Variants in CNFN observed in about 807,000 individuals in gnomAD.
CNFN encodes the protein cornifelin.
In CNFN, 10 loss-of-function variants were observed where a neutral mutation model predicts 14.9. The observed-to-expected ratio is 0.67, with a 90% CI of 0.41 to 1.14. The LOEUF is 1.14. Among genes scored for constraint, CNFN ranks in the 50% most tolerant of loss-of-function variants. CNFN has a pLI of 0.00. For synonymous variants in CNFN, 66 were observed against 60.0 expected, an observed-to-expected ratio of 1.10 and a Z score of -0.46; for missense variants, 165 against 152.8, an observed-to-expected ratio of 1.08 and a Z score of -0.42.
chr19:42,389,383 T>TG lies in CNFN; in HGVS notation c.-2-345dup. On this transcript the variant is annotated intron_variant, in intron 1 of 3. Transcript: ENST00000222032. The stretch of plus-strand genomic sequence containing the variant: ...TGGGTTGCAGCATTTCTGGGGCCTC[T>TG]GGGGTGGAAGCAGGCGCCGTCTGTC... The TG allele has an allele frequency of 3.0e-6, 3 of 1,000,126 alleles. No homozygotes were observed. The Middle Eastern group carries it at 1.1e-3, about 354-fold the overall frequency. The allele number at this position is 1,000,126 out of a possible 1,614,324, so 62.0% of individuals were successfully genotyped here.
chr19:42,387,038 T>C lies in CNFN; in HGVS notation c.*115A>G. On this transcript the variant is annotated 3_prime_UTR_variant, in exon 4 of 4. Transcript: ENST00000222032. ...GCGGAGTTGGTTTTCAGGTTTTTATTGTGGGTGTATTTCTGGCAGCGGGAC... is the reference window on the plus strand; with the variant it reads ...GCGGAGTTGGTTTTCAGGTTTTTATCGTGGGTGTATTTCTGGCAGCGGGAC... 4 of 1,019,752 alleles carry C rather than the reference T, an allele frequency of 3.9e-6. No individual in the cohort carries two copies. The East Asian group carries it at 7.3e-5, about 19-fold the overall frequency. The allele number at this position is 1,019,752 out of a possible 1,614,324, so 63.2% of individuals were successfully genotyped here.
At chr19:42,389,369 A>T in intron 1 of CNFN, 1 of 897,464 alleles carries the variant, frequency 1.1e-6, no homozygotes. Flanking sequence ...GGGTTGCAGC[A>T]TTTCTGGGGC....
At position 42,387,406 on chromosome 19, in the gene CNFN, G is replaced by A. The variant is rs981033991; in HGVS notation, c.183C>T (p.Cys61=). 4 of 1,601,658 alleles carry A rather than the reference G, an allele frequency of 2.5e-6. No individual in the cohort carries two copies. Among genetic ancestry groups the A allele is most frequent in the Admixed American group, 1.7e-5 (1 of 58,638 alleles). The stretch of plus-strand genomic sequence containing the variant: ...GCAGGCCTCCGGGCAGGTAGGGCGC[G>A]CAGCAGCACTCGCCAAAGTCGTCGG... ...RISDDFGECC[C]APYLPGGLHS... is the part of the protein sequence containing the mutation. Residue 61 remains cysteine (C), a synonymous_variant, in exon 3 of 4, where the codon TGC becomes TGT. Coordinates refer to ENST00000222032, the MANE Select transcript of CNFN (RefSeq NM_032488.4).
chr19:42,389,883 C>T (rs894162180), intron 1 of CNFN, among the ~76,000 whole-genome samples: 2 of 152,146 alleles, frequency 1.3e-5, no homozygotes, highest in Admixed American at 6.5e-5. Flanking sequence ...GCCAGGTGCC[C>T]GTAGAGATGT....
At chr19:42,389,602 C>G in intron 1 of CNFN, 1 of 1,083,488 alleles carries the variant, frequency 9.2e-7, no homozygotes, top group Non-Finnish European at 1.2e-6. Flanking sequence ...GTCCAAGGGA[C>G]GCTGGATACT....
At position 42,387,496 on chromosome 19, in the gene CNFN, T is replaced by C. The variant is rs2039861835; in HGVS notation, c.113-20A>G. ...ACAGACCTGGGCGGGGCGCAGGCGCTCAGGGGCGGGGCCAGCCGGGGCCTC... is the reference window on the plus strand; with the variant it reads ...ACAGACCTGGGCGGGGCGCAGGCGCCCAGGGGCGGGGCCAGCCGGGGCCTC... On this transcript the variant is annotated intron_variant, in intron 2 of 3. Transcript: ENST00000222032. 1.3e-6 allele frequency: 2 copies of C among 1,540,098 alleles called. No individual in the cohort carries two copies. The highest frequency in any genetic ancestry group is 2.0e-5 in the Admixed American group (1 of 50,428).
Position 42,388,936 on chromosome 19 carries a change from G to A in CNFN, c.102C>T (p.Asp34=), listed in dbSNP as rs890687357. 4 of 1,612,572 alleles carry A rather than the reference G, an allele frequency of 2.5e-6. No individual in the cohort carries two copies. The highest frequency in any genetic ancestry group is 1.3e-5 in the African/African-American group (1 of 75,036). ...CAGGCAGGCACTCACAGACAGGCAT[G>A]TCGTTGCAGCAGTCCGTGAGACCTG... The part of the protein sequence containing the change: ...WHTGLTDCCN[D]MPVCLCGTFA... Residue 34 remains aspartate (D), a synonymous_variant, in exon 2 of 4, where the codon GAC becomes GAT. Coordinates refer to ENST00000222032, the MANE Select transcript of CNFN (RefSeq NM_032488.4).
In CNFN at chr19:42,387,157, T is replaced by C. The variant is rs1245380672; in HGVS notation, c.335A>G (p.Glu112Gly). Residue 112 changes from glutamate to glycine, a missense_variant, in exon 4 of 4, where the codon GAG becomes GGG. By Grantham distance (98) the Glu-to-Gly change is moderately conservative (BLOSUM62 -2). Coordinates refer to ENST00000222032, the MANE Select transcript of CNFN (RefSeq NM_032488.4). ...CQMARELKIR[E>G] is the part of the protein sequence containing the mutation. ...CGGGGAAGACAGGGAACTTCCTTAC[T>C]CTCGGATCTTCAGTTCCCGCGCCAT... is the stretch of plus-strand genomic sequence containing the variant. 1.9e-6 allele frequency: 3 copies of C among 1,614,028 alleles called. No homozygotes were observed. The highest frequency in any genetic ancestry group is 3.3e-5 in the Admixed American group (2 of 60,006).
chr19:42,389,473 C>T (rs1412434285), intron 1 of CNFN: 20 of 1,291,444 alleles, frequency 1.5e-5, no homozygotes, highest in Non-Finnish European at 1.8e-5. Context: ...GTTGCTGGTC[C>T]ACCCAGCGGT....
At chr19:42,389,631 GACT>G in intron 1 of CNFN, 1 of 606,546 alleles carries the variant, frequency 1.6e-6, no homozygotes, top group East Asian at 7.8e-5. Flanking sequence ...GGGGGCAAGG[GACT>G]GGGGCACTGG....
Position 42,387,063 on chromosome 19 carries a change from CAG to C in CNFN, c.*88_*89del, listed in dbSNP as rs1407241104. ...TGTGGGTGTATTTCTGGCAGCGGGA[CAG>C]GGGTGGTGAGGCAGTCCCTCCCAGG... On this transcript the variant is annotated 3_prime_UTR_variant, in exon 4 of 4. Transcript: ENST00000222032. 8.7e-6 allele frequency: 11 copies of C among 1,269,396 alleles called. No homozygotes were observed. The highest frequency in any genetic ancestry group is 1.3e-5 in the Non-Finnish European group (11 of 871,042). The allele number at this position is 1,269,396 out of a possible 1,614,324, so 78.6% of individuals were successfully genotyped here. A position where few individuals can be genotyped will look rare whatever the true frequency, so the allele number is the denominator to read the frequency against.
chr19:42,389,214 C>G (rs190481301), intron 1 of CNFN, among the ~76,000 whole-genome samples, 175 bp from the exon 2 acceptor site: 8 of 152,366 alleles, frequency 5.3e-5, no homozygotes, highest in African/African-American at 1.9e-4. Flanking sequence ...ACCGGCAACC[C>G]CAGTCTGTCC....
chr19:42,390,289 C>T lies in CNFN; in HGVS notation c.-52G>A, dbSNP rs147725957. The T allele has an allele frequency of 2.6e-5, 4 of 152,564 alleles. No individual in the cohort carries two copies. Among genetic ancestry groups the T allele is most frequent in the Non-Finnish European group, 2.9e-5 (2 of 68,150 alleles). 9.5% of individuals were successfully genotyped at this position (152,564 alleles called of 1,614,324 possible). A position where few individuals can be genotyped will look rare whatever the true frequency, so the allele number is the denominator to read the frequency against. ...GGAGGCAGACGTGTGGAGACACGGG[C>T]ACTGACTTCTCCGTCTCAGCCCAGA... On this transcript the variant is annotated 5_prime_UTR_variant, in exon 1 of 4. Coordinates refer to ENST00000222032, the MANE Select transcript of CNFN (RefSeq NM_032488.4).
In CNFN at chr19:42,389,244, C is replaced by T. The variant is rs932822957; in HGVS notation, c.-2-205G>A. On this transcript the variant is annotated intron_variant, in intron 1 of 3. Coordinates refer to ENST00000222032, the MANE Select transcript of CNFN (RefSeq NM_032488.4). ...CTGTCCCTGTTGCTGCTGGCTCCTG[C>T]ACGTCTGGTTAGGCTGGGGGTGGGG... 2.6e-5 allele frequency among the ~76,000 whole-genome samples: 4 copies of T among 152,240 alleles called. No individual in the cohort carries two copies. The East Asian group carries it at 7.7e-4, about 29-fold the overall frequency.
chr19:42,389,508 G>T (rs1351500430), intron 1 of CNFN: 12 of 1,290,256 alleles, frequency 9.3e-6, no homozygotes, highest in Non-Finnish European at 1.2e-5. Flanking sequence ...TCACGTTGTC[G>T]TGCATCTCAA....
At position 42,389,007 on chromosome 19, in the gene CNFN, A is replaced by C. The variant is rs747690119; in HGVS notation, c.31T>G (p.Cys11Gly). The C allele has an allele frequency of 3.1e-6, 5 of 1,613,788 alleles. No individual in the cohort carries two copies. Among genetic ancestry groups the C allele is most frequent in the Middle Eastern group, 1.7e-4 (1 of 6,052 alleles). Residue 11 changes from cysteine to glycine, a missense_variant, in exon 2 of 4, where the codon TGC becomes GGC. Transcript: ENST00000222032. ...GTCTGGTAGCAGCTGGTGGTGGCGC[A>C]CTGGGGCTGACTGGTCACAGGGTAG... is the stretch of plus-strand genomic sequence containing the variant. MSYPVTSQPQ[C>G]ATTSCYQTQL... is the part of the protein sequence containing the mutation.
intron 2 of CNFN, among the ~76,000 whole-genome samples, chr19:42,388,117 G>A (rs2039869846): frequency 6.6e-6 from 1 of 151,894 alleles, no homozygotes; most frequent in Admixed American, 6.5e-5. Context: ...GACCTCCTGG[G>A]CTCAAGCAAT....
Position 42,387,481 on chromosome 19 carries a change from G to C in CNFN, c.113-5C>G, listed in dbSNP as rs900357700. 3.2e-6 allele frequency: 5 copies of C among 1,564,010 alleles called. No homozygotes were observed. The highest frequency in any genetic ancestry group is 4.3e-6 in the Non-Finnish European group (5 of 1,157,300). On this transcript the variant is annotated splice_polypyrimidine_tract_variant and splice_region_variant and intron_variant, in intron 2 of 3. Transcript: ENST00000222032. Reference sequence around the variant, plus strand: ...GAGCAAAAGTGCCGCACAGACCTGGGCGGGGCGCAGGCGCTCAGGGGCGGG... The same window carrying C: ...GAGCAAAAGTGCCGCACAGACCTGGCCGGGGCGCAGGCGCTCAGGGGCGGG...
intron 1 of CNFN, chr19:42,389,584 C>A (rs1258436709): frequency 1.6e-5 from 20 of 1,262,480 alleles, no homozygotes; most frequent in Non-Finnish European, 2.1e-5. Flanking sequence ...GCAACAGTGG[C>A]AGAGTCTGTC....
Sources: gnomAD v4.1 joint callset for allele counts (sites outside exome capture counted in the v4.1 genomes callset) on GRCh38, gnomAD v4.1.1 for gene constraint, MANE v1.5 for transcripts, NCBI Gene and HGNC (gene_info 2026-07-23, HGNC 2026-07-21) for gene names.